NAA16: variants seen among roughly 807,000 people sequenced by gnomAD.
NAA16 encodes the protein NARG1-like protein.
NAA16 carries 97 observed loss-of-function variants against 110.3 expected under a neutral mutation model. The observed-to-expected ratio is 0.88, with a 90% CI of 0.75 to 1.04. The LOEUF is 1.04. NAA16 is among the 50% of genes least tolerant of loss of function. The pLI, the probability that NAA16 is intolerant of heterozygous loss-of-function variation, is 0.00. For synonymous variants in NAA16, 372 were observed against 330.6 expected (o/e 1.13, Z -1.36); for missense variants, 1,017 against 1,005.1 (o/e 1.01, Z -0.16).
chr13:41,344,505 A>C (rs1429565966), intron 9 of NAA16, among the ~76,000 whole-genome samples: 2 of 152,132 alleles, frequency 1.3e-5, no homozygotes, highest in African/African-American at 4.8e-5. Context: ...CGCTGCAGTG[A>C]GGTGAGGTGT....
Position 41,327,037 on chromosome 13 carries a change from G to C in NAA16, c.691+1186G>C, listed in dbSNP as rs115717541. On this transcript the variant is annotated intron_variant, in intron 6 of 19. Transcript: ENST00000379406. ...AATCATACGGTATGTAGCCTTTTCA[G>C]ATTGGCTTTATTTTTGCCAAATCAT... is the stretch of plus-strand genomic sequence containing the variant. 1.0e-3 allele frequency among the ~76,000 whole-genome samples: 152 copies of C among 152,204 alleles called. 1 individual carries two copies. The highest frequency in any genetic ancestry group is 3.6e-3 in the African/African-American group (149 of 41,560).
chr13:41,370,375 C>G (rs1038395149), intron 15 of NAA16, among the ~76,000 whole-genome samples: 4 of 152,082 alleles, frequency 2.6e-5, no homozygotes, highest in African/African-American at 9.7e-5. Context: ...AAATAAAAGC[C>G]ACAAAGGACA....
chr13:41,311,368 C>T lies in NAA16; in HGVS notation c.-161C>T. 1 of 651,580 alleles carries T rather than the reference C, an allele frequency of 1.5e-6. No individual in the cohort carries two copies. The highest frequency in any genetic ancestry group is 2.8e-5 in the Admixed American group (1 of 35,202). 40.4% of individuals were successfully genotyped at this position (651,580 alleles called of 1,614,324 possible). A position where few individuals can be genotyped will look rare whatever the true frequency, so the allele number is the denominator to read the frequency against. Reference sequence around the variant, plus strand: ...CTTCCTTCTCCATTGCCACCCGTGCCGAACAGCCAGGCTGCCCAATTGCAA... The same window carrying T: ...CTTCCTTCTCCATTGCCACCCGTGCTGAACAGCCAGGCTGCCCAATTGCAA... On this transcript the variant is annotated 5_prime_UTR_variant, in exon 1 of 20. Coordinates refer to ENST00000379406, the MANE Select transcript of NAA16 (RefSeq NM_024561.5).
At chr13:41,342,039 C>T (rs866379492) in intron 9 of NAA16, among the ~76,000 whole-genome samples, 4 of 150,476 alleles carry the variant, frequency 2.7e-5, no homozygotes, top group Admixed American at 6.6e-5. Flanking sequence ...TCACTGTGTT[C>T]GCCAGGATGG....
At chr13:41,339,893 A>G (rs1274508562) in intron 9 of NAA16, among the ~76,000 whole-genome samples, 7 of 152,128 alleles carry the variant, frequency 4.6e-5, no homozygotes, top group South Asian at 2.1e-4. Flanking sequence ...ATAGGTAGGT[A>G]TTTGAAATGG....
At chr13:41,314,462 T>C (rs1478811695) in intron 1 of NAA16, among the ~76,000 whole-genome samples, 1 of 143,458 alleles carries the variant, frequency 7.0e-6, no homozygotes. Context: ...AAAATTTAGG[T>C]TTCTCTCCTA....
chr13:41,362,892 C>A, intron 13 of NAA16: 1 of 1,185,920 alleles, frequency 8.4e-7, no homozygotes, highest in South Asian at 1.6e-5. Context: ...GATGTCTGCA[C>A]CGTGGCAGTC....
intron 9 of NAA16, among the ~76,000 whole-genome samples, chr13:41,347,552 C>T (rs1008810530): frequency 1.6e-4 from 25 of 151,942 alleles, no homozygotes; most frequent in Non-Finnish European, 3.7e-4. Flanking sequence ...TTGTACAAGT[C>T]TTGTGCATCT....
intron 9 of NAA16, among the ~76,000 whole-genome samples, chr13:41,346,013 A>G (rs2042671917): frequency 6.6e-6 from 1 of 152,214 alleles, no homozygotes; most frequent in South Asian, 2.1e-4. Context: ...ATTTGGATGA[A>G]GTCCAGCTTA....
intron 15 of NAA16, among the ~76,000 whole-genome samples, chr13:41,370,810 G>A (rs896583712): frequency 2.0e-5 from 3 of 152,134 alleles, no homozygotes; most frequent in Non-Finnish European, 4.4e-5. Flanking sequence ...GACCTTTAAG[G>A]CTCATTATGC....
At chr13:41,360,423 TAAAG>T (rs1472001431) in intron 12 of NAA16, among the ~76,000 whole-genome samples, 3 of 152,204 alleles carry the variant, frequency 2.0e-5, no homozygotes, top group East Asian at 3.9e-4. Context: ...ATGCAAAACT[TAAAG>T]AAGTTCAGTG....
intron 5 of NAA16, 51 bp downstream of exon 5, chr13:41,323,241 C>G: frequency 1.3e-6 from 2 of 1,556,298 alleles, no homozygotes; most frequent in Non-Finnish European, 1.8e-6. Flanking sequence ...TAGTTGACTT[C>G]TAAATTGTCC....
chr13:41,372,817 ATTT>A lies in NAA16; in HGVS notation c.2144_2146del (p.Phe715del). ...CATGGTTACATGAATGTTTAATTAG[ATTT>A]TCTAAATCTGGTAAGTATAAAAAAG... On this transcript the variant is annotated inframe_deletion, in exon 17 of 20. Transcript: ENST00000379406. 6.3e-7 allele frequency: 1 copy of A among 1,579,890 alleles called. No homozygotes were observed. The highest frequency in any genetic ancestry group is 8.6e-7 in the Non-Finnish European group (1 of 1,159,112).
rs564421063 is a variant in NAA16 at position 41,373,266 on chromosome 13, G to GTT, written c.2156-361_2156-360dup. 573 of 648,724 alleles carry GTT rather than the reference G, an allele frequency of 8.8e-4. 1 individual carries two copies. The highest frequency in any genetic ancestry group is 4.4e-3 in the African/African-American group (215 of 49,042). 40.2% of individuals were successfully genotyped at this position (648,724 alleles called of 1,614,324 possible). ...GTTTTTTGTTGTTGTTGTGTTTTTT[G>GTT]TTTTTTTTTTTGAGACAGTCTTGCT... On this transcript the variant is annotated intron_variant, in intron 17 of 19. Transcript: ENST00000379406.
At position 41,362,123 on chromosome 13, in the gene NAA16, C is replaced by A. The variant is rs543151654; in HGVS notation, c.1503C>A (p.Tyr501Ter). Reference protein sequence around the residue: ...CISAYQRLGRYGDALKKCHEV... With the variant: ...CISAYQRLGR ...CAGCTTATCAGCGTCTGGGGAGATACGGGGATGCCTTGAAAAAATGTCATG... is the reference window on the plus strand; with the variant it reads ...CAGCTTATCAGCGTCTGGGGAGATAAGGGGATGCCTTGAAAAAATGTCATG... The change falls in exon 13 of 20, where the codon TAC becomes TAA. Residue 501 changes from tyrosine (Y) to a stop codon, truncating the protein, a stop_gained. Transcript: ENST00000379406. LOFTEE classifies it high-confidence loss of function. 1 of 1,605,180 alleles carries A rather than the reference C, an allele frequency of 6.2e-7. No individual in the cohort carries two copies. Among genetic ancestry groups the A allele is most frequent in the Non-Finnish European group, 8.5e-7 (1 of 1,176,938 alleles).
intron 4 of NAA16, among the ~76,000 whole-genome samples, chr13:41,321,570 A>G (rs1288956224): frequency 1.3e-5 from 2 of 152,360 alleles, no homozygotes; most frequent in African/African-American, 4.8e-5. Context: ...TAAGGCTTTT[A>G]TAATGGAAAC....
intron 9 of NAA16, among the ~76,000 whole-genome samples, chr13:41,345,470 G>A (rs2042656972): frequency 6.6e-6 from 1 of 152,108 alleles, no homozygotes; most frequent in South Asian, 2.1e-4. Flanking sequence ...CTTTGTATAT[G>A]TTCTTTGGGG....
intron 9 of NAA16, 60 bp downstream of exon 9, chr13:41,336,816 G>T: frequency 2.1e-6 from 2 of 964,456 alleles, no homozygotes; most frequent in South Asian, 1.5e-5. Context: ...GTAGAAAGAT[G>T]TCCATGTAAA....
chr13:41,372,428 G>A (rs1316881301), intron 16 of NAA16, 117 bp downstream of exon 16: 24 of 1,355,606 alleles, frequency 1.8e-5, no homozygotes, highest in East Asian at 2.8e-5. Flanking sequence ...CTTCTACAAA[G>A]GCTCTTTTCC....
Sources: gnomAD v4.1 joint callset for allele counts (sites outside exome capture counted in the v4.1 genomes callset) on GRCh38, gnomAD v4.1.1 for gene constraint, MANE v1.5 for transcripts, NCBI Gene and HGNC (gene_info 2026-07-23, HGNC 2026-07-21) for gene names.